The following CRIM1 variants were observed in gnomAD, a reference collection of about 807,000 sequenced individuals.
CRIM1 encodes cysteine rich transmembrane BMP regulator 1, also known as cysteine-rich motor neuron 1 protein.
Under a neutral mutation model 116.4 loss-of-function variants are expected in CRIM1, and 32 were observed. The ratio of observed to expected loss-of-function variants is 0.27; its 90% CI spans 0.21 to 0.37. The LOEUF (loss-of-function observed/expected upper bound fraction) is 0.37, where lower values mean the gene tolerates loss of function less well. CRIM1 is among the 10% of genes least tolerant of loss of function. The pLI, the probability that CRIM1 is intolerant of heterozygous loss-of-function variation, is 1.00. For synonymous variants in CRIM1, 590 were observed against 509.2 expected, an observed-to-expected ratio of 1.16 and a Z score of -2.13; for missense variants, 1,331 against 1,354.8, an observed-to-expected ratio of 0.98 and a Z score of 0.28.
intron 7 of CRIM1, among the ~76,000 whole-genome samples, chr2:36,484,103 C>T (rs1679631609): frequency 6.6e-6 from 1 of 152,188 alleles, no homozygotes. Flanking sequence ...ATGGGCCTTC[C>T]AAGACTGATG....
chr2:36,486,162 A>G (rs1443601820), intron 7 of CRIM1, among the ~76,000 whole-genome samples: 1 of 152,234 alleles, frequency 6.6e-6, no homozygotes, highest in Non-Finnish European at 1.5e-5. Flanking sequence ...GCCTTAATAT[A>G]TCACTTTCAA....
At chr2:36,477,823 G>A (rs757068595) in intron 6 of CRIM1, among the ~76,000 whole-genome samples, 1 of 152,186 alleles carries the variant, frequency 6.6e-6, no homozygotes, top group Non-Finnish European at 1.5e-5. Context: ...TACAGATTAG[G>A]ATGTTGAAGT....
chr2:36,448,089 G>A (rs988913623), intron 4 of CRIM1, among the ~76,000 whole-genome samples: 1 of 152,212 alleles, frequency 6.6e-6, no homozygotes. Context: ...GCTTCTTGAA[G>A]AGTGCTGTGA....
intron 2 of CRIM1, 149 bp from the exon 3 acceptor site, chr2:36,441,109 A>T: frequency 1.9e-6 from 2 of 1,045,932 alleles, no homozygotes; most frequent in Non-Finnish European, 2.7e-6. Flanking sequence ...TTTCATTGTT[A>T]GTTAAACTAA....
intron 1 of CRIM1, among the ~76,000 whole-genome samples, chr2:36,375,968 C>T (rs1670288012): frequency 6.6e-6 from 1 of 152,108 alleles, no homozygotes; most frequent in African/African-American, 2.4e-5. Flanking sequence ...ATATTTGGCA[C>T]CCACCATAAC....
At chr2:36,471,513 A>G (rs767386446) in intron 5 of CRIM1, among the ~76,000 whole-genome samples, 5 of 152,188 alleles carry the variant, frequency 3.3e-5, no homozygotes, top group African/African-American at 1.2e-4. Context: ...ATTACTATTT[A>G]CTGAAGGCTC....
At chr2:36,543,310 C>G (rs982265186) in intron 14 of CRIM1, among the ~76,000 whole-genome samples, 1 of 152,204 alleles carries the variant, frequency 6.6e-6, no homozygotes, top group Non-Finnish European at 1.5e-5. Context: ...TATCACTTTC[C>G]TCTTCTCTCA....
chr2:36,479,779 T>A (rs1312999605), intron 7 of CRIM1, 85 bp downstream of exon 7: 1 of 1,352,876 alleles, frequency 7.4e-7, no homozygotes, highest in Non-Finnish European at 1.1e-6. Flanking sequence ...GTTTGTTTAT[T>A]TCCTTGGGCA....
At chr2:36,362,631 T>C (rs959032453) in intron 1 of CRIM1, among the ~76,000 whole-genome samples, 3 of 152,138 alleles carry the variant, frequency 2.0e-5, no homozygotes, top group African/African-American at 4.8e-5. Flanking sequence ...AGTAGCCTGG[T>C]CACATCTTTG....
At chr2:36,364,815 T>C (rs559658685) in intron 1 of CRIM1, among the ~76,000 whole-genome samples, 96 of 152,272 alleles carry the variant, frequency 6.3e-4, no homozygotes, top group African/African-American at 2.1e-3. Context: ...TATGATTACA[T>C]AGATGTATAT....
chr2:36,465,671 G>A (rs921455424), intron 5 of CRIM1, among the ~76,000 whole-genome samples: 1 of 152,052 alleles, frequency 6.6e-6, no homozygotes, highest in African/African-American at 2.4e-5. Context: ...TTGCAGTATG[G>A]CTTTATGGTT....
chr2:36,464,786 A>G (rs1677871524), intron 5 of CRIM1, 131 bp downstream of exon 5: 4 of 1,091,062 alleles, frequency 3.7e-6, no homozygotes, highest in African/African-American at 3.1e-5. Context: ...AGGGCACTCA[A>G]AAAGGTTTGC....
At chr2:36,486,570 G>GA (rs1679832940) in intron 7 of CRIM1, among the ~76,000 whole-genome samples, 1 of 152,162 alleles carries the variant, frequency 6.6e-6, no homozygotes, top group Non-Finnish European at 1.5e-5. Context: ...CTCTGCCCCT[G>GA]AGTTTACAGA....
At chr2:36,485,606 G>C (rs543214887) in intron 7 of CRIM1, among the ~76,000 whole-genome samples, 1 of 152,148 alleles carries the variant, frequency 6.6e-6, no homozygotes, top group African/African-American at 2.4e-5. Context: ...TTCCAGCCCT[G>C]CCCATAATGC....
At chr2:36,378,946 A>G (rs1670527322) in intron 1 of CRIM1, 1 of 151,742 alleles carries the variant, frequency 6.6e-6, no homozygotes, top group Admixed American at 6.6e-5. Context: ...TTCTCATTCT[A>G]AAAATATGTA....
In CRIM1 at chr2:36,550,529, TTGC is replaced by T. The variant is rs891001920; in HGVS notation, c.*1831_*1833del. The T allele has an allele frequency of 2.6e-5, 4 of 152,616 alleles. No homozygotes were observed. The highest frequency in any genetic ancestry group is 9.6e-5 in the African/African-American group (4 of 41,552). 9.5% of individuals were successfully genotyped at this position (152,616 alleles called of 1,614,324 possible). ...ATTGTTGTAAATACTTGGACAGAGG[TTGC>T]TGAACTTTAAAAAAAATTAATTTAT... On this transcript the variant is annotated 3_prime_UTR_variant, in exon 17 of 17. Transcript: ENST00000280527.
intron 15 of CRIM1, among the ~76,000 whole-genome samples, chr2:36,545,921 T>A (rs1256033129): frequency 6.6e-6 from 1 of 152,180 alleles, no homozygotes; most frequent in African/African-American, 2.4e-5. Context: ...CTGGAAAATA[T>A]GTTTCTATAA....
chr2:36,505,847 T>C (rs1681353077), intron 8 of CRIM1, among the ~76,000 whole-genome samples: 1 of 152,156 alleles, frequency 6.6e-6, no homozygotes, highest in African/African-American at 2.4e-5. Flanking sequence ...AAAGCAAACA[T>C]TGTAAGGAGC....
intron 2 of CRIM1, among the ~76,000 whole-genome samples, chr2:36,400,048 C>T (rs1174769747): frequency 6.6e-6 from 1 of 152,016 alleles, no homozygotes; most frequent in African/African-American, 2.4e-5. Flanking sequence ...AGAGAGGTAG[C>T]CGGTTGGGTA....
Sources: gnomAD v4.1 joint callset for allele counts (sites outside exome capture counted in the v4.1 genomes callset) on GRCh38, gnomAD v4.1.1 for gene constraint, MANE v1.5 for transcripts, NCBI Gene and HGNC (gene_info 2026-07-23, HGNC 2026-07-21) for gene names.